MYO5B: variants seen among roughly 807,000 people sequenced by gnomAD.
MYO5B encodes myosin VB, also known as unconventional myosin-Vb.
MYO5B carries 143 observed loss-of-function variants against 229.3 expected under a neutral mutation model. The observed-to-expected ratio is 0.62, with a 90% CI of 0.54 to 0.72. The LOEUF is 0.72. MYO5B is among the 30% of genes least tolerant of loss of function. MYO5B has a pLI of 0.00. For missense variants in MYO5B, 2,321 were observed against 2,331.0 expected (o/e 1.00, Z 0.09); for synonymous variants, 918 against 885.2 (o/e 1.04, Z -0.66).
chr18:50,093,046 AG>A (rs2031480082), intron 1 of MYO5B, among the ~76,000 whole-genome samples: 1 of 152,204 alleles, frequency 6.6e-6, no homozygotes, highest in Non-Finnish European at 1.5e-5. Context: ...CAAATCAGTA[AG>A]AAACTATGAA....
intron 9 of MYO5B, among the ~76,000 whole-genome samples, chr18:49,978,833 G>A (rs183185011): frequency 4.9e-4 from 74 of 152,058 alleles, no homozygotes; most frequent in African/African-American, 1.7e-3. Context: ...GGTGTTGGGC[G>A]GGCTGGAGGT....
At chr18:49,988,726 G>A (rs2025897847) in intron 7 of MYO5B, among the ~76,000 whole-genome samples, 1 of 152,192 alleles carries the variant, frequency 6.6e-6, no homozygotes, top group Admixed American at 6.5e-5. Flanking sequence ...AAGGAAAGAG[G>A]AGGATGGCAG....
intron 21 of MYO5B, among the ~76,000 whole-genome samples, chr18:49,896,307 A>G (rs554360368): frequency 6.6e-6 from 1 of 152,310 alleles, no homozygotes; most frequent in East Asian, 1.9e-4. Flanking sequence ...GGAACCTCCC[A>G]GTTACAACCT....
rs2025918293 is a variant in MYO5B, at chr18:49,990,482, G to A, written c.795C>T (p.Leu265=). Residue 265 remains leucine (L), a synonymous_variant, in exon 7 of 40, where the codon CTC becomes CTT. Coordinates refer to ENST00000285039, the MANE Select transcript of MYO5B (RefSeq NM_001080467.3). ...ATTCTGGAAGACCGGCAGCAGCACA[G>A]AGCTGGTAAAAGATGTGGTAATTCC... ...DERNYHIFYQ[L]CAAAGLPEFK... 1.2e-6 allele frequency: 2 copies of A among 1,613,828 alleles called. No individual in the cohort carries two copies. Among genetic ancestry groups the A allele is most frequent in the Non-Finnish European group, 1.7e-6 (2 of 1,179,878 alleles).
intron 4 of MYO5B, among the ~76,000 whole-genome samples, chr18:50,011,960 G>C (rs1210921441): frequency 1.3e-5 from 2 of 152,012 alleles, no homozygotes; most frequent in Non-Finnish European, 2.9e-5. Flanking sequence ...GCTGTGTAAA[G>C]AGTGGGACAG....
At chr18:49,998,281 G>C (rs2026011139) in intron 5 of MYO5B, among the ~76,000 whole-genome samples, 1 of 152,128 alleles carries the variant, frequency 6.6e-6, no homozygotes, top group African/African-American at 2.4e-5. Context: ...AATTTCCAAA[G>C]TACTAATTTG....
chr18:50,070,805 C>A (rs1437676972), intron 1 of MYO5B, among the ~76,000 whole-genome samples: 1 of 151,678 alleles, frequency 6.6e-6, no homozygotes, highest in Admixed American at 6.6e-5. Context: ...CACACCCCCA[C>A]TGCCCCCTGC....
intron 25 of MYO5B, 114 bp downstream of exon 25, chr18:49,877,649 G>A: frequency 2.8e-6 from 4 of 1,423,752 alleles, no homozygotes; most frequent in Non-Finnish European, 3.9e-6. Context: ...ATTAGCCCCT[G>A]GGCACTCTGG....
chr18:49,918,492 G>T (rs2025040523), intron 17 of MYO5B, among the ~76,000 whole-genome samples: 1 of 152,214 alleles, frequency 6.6e-6, no homozygotes, highest in African/African-American at 2.4e-5. Context: ...TCAGAATTAG[G>T]TGGGTCAACC....
intron 26 of MYO5B, among the ~76,000 whole-genome samples, chr18:49,874,959 T>A (rs957551474): frequency 1.3e-5 from 2 of 152,250 alleles, no homozygotes; most frequent in African/African-American, 2.4e-5. Flanking sequence ...ACTTTTCACC[T>A]GTGTTATGTC....
At chr18:49,941,278 G>A (rs544132208) in intron 14 of MYO5B, among the ~76,000 whole-genome samples, 1 of 152,302 alleles carries the variant, frequency 6.6e-6, no homozygotes, top group South Asian at 2.1e-4. Context: ...TCTAAGTTCA[G>A]TCTAAAAGCA....
At chr18:49,918,439 G>T (rs774977095) in intron 17 of MYO5B, among the ~76,000 whole-genome samples, 1 of 152,188 alleles carries the variant, frequency 6.6e-6, no homozygotes, top group African/African-American at 2.4e-5. Context: ...GTAACCTAAG[G>T]TTCCCTTAGA....
At chr18:49,831,148 T>A (rs28845016) in intron 39 of MYO5B, among the ~76,000 whole-genome samples, 14,983 of 152,132 alleles carry the variant, frequency 0.098, 1,239 homozygotes, top group East Asian at 0.3. Flanking sequence ...AAATTAACTC[T>A]GAATGGATCA....
rs139177975 is a variant in MYO5B at position 49,839,321 on chromosome 18, G to A, written c.4702-27C>T. Reference sequence around the variant, plus strand: ...TGCAGAGGGAGAGGCGTGCACTACTGAGTTCTCTGGTCTGCTGGGCCCAGC... The same window carrying A: ...TGCAGAGGGAGAGGCGTGCACTACTAAGTTCTCTGGTCTGCTGGGCCCAGC... On this transcript the variant is annotated intron_variant, in intron 35 of 39. Transcript: ENST00000285039. The A allele has an allele frequency of 4.8e-5, 78 of 1,610,562 alleles. No homozygotes were observed. The African/African-American group carries it at 9.6e-4, about 20-fold the overall frequency.
intron 39 of MYO5B, among the ~76,000 whole-genome samples, chr18:49,830,697 A>G (rs2144020152): frequency 6.6e-6 from 1 of 152,004 alleles, no homozygotes; most frequent in African/African-American, 2.4e-5. Context: ...AAAACGCAAA[A>G]ATTAGCCAGG....
intron 12 of MYO5B, among the ~76,000 whole-genome samples, chr18:49,957,142 C>CAAAAAAAAAAAAAAAAAAAAAAAA (rs71169467): frequency 6.8e-5 from 4 of 58,720 alleles, no homozygotes; most frequent in African/African-American, 2.4e-4. Context: ...AATAAAGTAG[C>CAAAAAAAAAAAAAAAAAAAAAAAA]AAAAAAAAAA....
chr18:49,865,165 G>A (rs1434125291), intron 27 of MYO5B, among the ~76,000 whole-genome samples: 1 of 152,176 alleles, frequency 6.6e-6, no homozygotes, highest in East Asian at 1.9e-4. Flanking sequence ...TTGTTACAGA[G>A]CCATAGCATG....
chr18:49,888,873 C>T (rs1382900103), intron 22 of MYO5B, among the ~76,000 whole-genome samples: 1 of 152,244 alleles, frequency 6.6e-6, no homozygotes, highest in Non-Finnish European at 1.5e-5. Flanking sequence ...GGTGGGGTTG[C>T]CCCCACGCTT....
intron 31 of MYO5B, 152 bp downstream of exon 31, chr18:49,853,297 A>G: frequency 1.3e-6 from 1 of 775,058 alleles, no homozygotes; most frequent in Admixed American, 2.1e-5. Flanking sequence ...GCTCCAGTGA[A>G]GGGGTCTTGA....
Sources: gnomAD v4.1 joint callset for allele counts (sites outside exome capture counted in the v4.1 genomes callset) on GRCh38, gnomAD v4.1.1 for gene constraint, MANE v1.5 for transcripts, NCBI Gene and HGNC (gene_info 2026-07-23, HGNC 2026-07-21) for gene names.